SLC35E4: variants seen among roughly 807,000 people sequenced by gnomAD.
SLC35E4 encodes the protein solute carrier family 35, member E4.
Under a neutral mutation model 19.3 loss-of-function variants are expected in SLC35E4, and 15 were observed. The observed-to-expected ratio is 0.78, with a 90% CI of 0.52 to 1.20. SLC35E4 has a LOEUF of 1.20. Among genes scored for constraint, SLC35E4 ranks in the 50% most tolerant of loss-of-function variants. SLC35E4 has a pLI of 0.00. For synonymous variants in SLC35E4, 219 were observed against 219.9 expected (o/e 1.00, Z 0.04); for missense variants, 406 against 472.3 (o/e 0.86, Z 1.30).
chr22:30,656,140 T>C (rs1300794714), intron 2 of SLC35E4, among the ~76,000 whole-genome samples: 2 of 151,784 alleles, frequency 1.3e-5, no homozygotes, highest in African/African-American at 2.4e-5. Context: ...TGCTGGGCTT[T>C]TTTTTTTTAA....
downstream of SLC35E4, among the ~76,000 whole-genome samples, chr22:30,651,385 G>A (rs1343229993): frequency 3.2e-5 from 1 of 30,822 alleles, no homozygotes; most frequent in African/African-American, 1.6e-4. Flanking sequence ...GTGTGTGTGT[G>A]TGTGTGTGTG....
At chr22:30,640,145 T>C (rs1218286328) in intron 1 of SLC35E4, among the ~76,000 whole-genome samples, 2 of 151,846 alleles carry the variant, frequency 1.3e-5, no homozygotes, top group Admixed American at 6.6e-5. Context: ...GCAACAGAGG[T>C]GGGAGGATCA....
At chr22:30,651,395 G>GTATA (rs2088209814), downstream of SLC35E4, among the ~76,000 whole-genome samples, 2 of 54,074 alleles carry the variant, frequency 3.7e-5, no homozygotes, top group African/African-American at 1.2e-4. Flanking sequence ...GTGTGTGTGT[G>GTATA]TGTGTATATA....
At chr22:30,642,001 G>T (rs1393426990) in intron 1 of SLC35E4, among the ~76,000 whole-genome samples, 2 of 152,004 alleles carry the variant, frequency 1.3e-5, no homozygotes, top group Non-Finnish European at 2.9e-5. Flanking sequence ...TTGAGCCAGG[G>T]CCTGAGATAG....
chr22:30,638,691 A>C (rs1203654044), intron 1 of SLC35E4, among the ~76,000 whole-genome samples: 2 of 151,992 alleles, frequency 1.3e-5, no homozygotes, highest in Non-Finnish European at 2.9e-5. Context: ...GGGCGCCTGT[A>C]ATCCCAGCTA....
chr22:30,663,584 G>A (rs761476552), downstream of SLC35E4: 5 of 1,614,232 alleles, frequency 3.1e-6, no homozygotes, highest in East Asian at 1.1e-4. Flanking sequence ...TGGGTCGGAT[G>A]ATGGGCCGGC....
chr22:30,644,472 G>T (rs1306024776), intron 1 of SLC35E4, among the ~76,000 whole-genome samples: 1 of 152,158 alleles, frequency 6.6e-6, no homozygotes, highest in Non-Finnish European at 1.5e-5. Flanking sequence ...CAGGCGCAAT[G>T]GCTCACACCT....
chr22:30,640,264 G>A (rs935447813), intron 1 of SLC35E4, among the ~76,000 whole-genome samples: 6 of 151,840 alleles, frequency 4.0e-5, no homozygotes, highest in South Asian at 2.1e-4. Flanking sequence ...CCCCCTACTC[G>A]GGAACCTGAG....
chr22:30,648,770 T>G, downstream of SLC35E4, among the ~76,000 whole-genome samples: 1 of 151,442 alleles, frequency 6.6e-6, no homozygotes, highest in East Asian at 1.9e-4. Context: ...AGGCCAGGAG[T>G]TGGAGGCTGC....
rs115883574 is a variant in SLC35E4 at position 30,644,833 on chromosome 22, T to C, written c.620-1765T>C. ...TTTCGCCTGGGCACCCCTTTGTGAA[T>C]TGGCTGGTGGTGGCATGTGTACACG... On this transcript the variant is annotated intron_variant, in intron 1 of 1. Transcript: ENST00000343605. Among the ~76,000 whole-genome samples the C allele has an allele frequency of 4.6e-3, 703 of 152,218 alleles. 8 individuals are homozygous for C. The highest frequency in any genetic ancestry group is 0.016 in the African/African-American group (667 of 41,524).
chr22:30,660,862 T>G (rs2088444065), intron 2 of SLC35E4, among the ~76,000 whole-genome samples: 1 of 150,782 alleles, frequency 6.6e-6, no homozygotes, highest in Non-Finnish European at 1.5e-5. Flanking sequence ...TTTTTTGAGA[T>G]GGAGTCTTGC....
At chr22:30,645,585 ACT>A (rs1032061173) in intron 1 of SLC35E4, among the ~76,000 whole-genome samples, 1 of 122,770 alleles carries the variant, frequency 8.1e-6, no homozygotes, top group African/African-American at 3.1e-5. Flanking sequence ...ACAGAGCAAG[ACT>A]CTGTCTCCAA....
intron 2 of SLC35E4, among the ~76,000 whole-genome samples, chr22:30,660,481 T>G (rs2088434497): frequency 6.6e-6 from 1 of 151,800 alleles, no homozygotes; most frequent in South Asian, 2.1e-4. Flanking sequence ...CTAGAGAAAA[T>G]TTTTTAAAAA....
downstream of SLC35E4, chr22:30,663,473 G>A: frequency 6.2e-7 from 1 of 1,612,734 alleles, no homozygotes; most frequent in South Asian, 1.1e-5. Flanking sequence ...CCTTCTCATA[G>A]ATGTCAGGGA....
intron 1 of SLC35E4, among the ~76,000 whole-genome samples, chr22:30,644,716 G>A (rs1380580912): frequency 6.6e-6 from 1 of 152,132 alleles, no homozygotes; most frequent in Non-Finnish European, 1.5e-5. Context: ...GCCTGGGCAA[G>A]AGAACCAGAC....
intron 1 of SLC35E4, among the ~76,000 whole-genome samples, chr22:30,640,496 C>G (rs2088020132): frequency 6.6e-6 from 1 of 152,160 alleles, no homozygotes; most frequent in South Asian, 2.1e-4. Flanking sequence ...AAGAGGGCAG[C>G]AGGGCTCTGG....
intron 2 of SLC35E4, among the ~76,000 whole-genome samples, chr22:30,657,276 A>AAC (rs146940549): frequency 0.012 from 166 of 14,176 alleles, no homozygotes; most frequent in Middle Eastern, 0.043. Flanking sequence ...CTCTACTAAA[A>AAC]ACACACACAC....
chr22:30,644,295 G>C (rs2088092964), intron 1 of SLC35E4, among the ~76,000 whole-genome samples: 1 of 152,188 alleles, frequency 6.6e-6, no homozygotes, highest in Non-Finnish European at 1.5e-5. Context: ...TCTAAGCATA[G>C]CCTATGAGTA....
chr22:30,666,392 G>A (rs1020845322), downstream of SLC35E4, among the ~76,000 whole-genome samples: 7 of 151,982 alleles, frequency 4.6e-5, no homozygotes, highest in East Asian at 1.9e-4. Context: ...AGGCCGAGGC[G>A]GGCAGATCAC....
Sources: allele counts gnomAD v4.1 joint callset (sites outside exome capture counted in the v4.1 genomes callset), GRCh38; gene constraint gnomAD v4.1.1; transcripts MANE v1.5; gene names NCBI Gene and HGNC (gene_info 2026-07-23, HGNC 2026-07-21).